Variants in SOX6 observed in about 807,000 individuals in gnomAD.
SOX6 encodes transcription factor SOX-6.
A neutral mutation model predicts 97.8 loss-of-function variants in SOX6; 11 were observed. That is an observed-to-expected ratio of 0.11 (90% CI 0.07 to 0.19). The LOEUF (loss-of-function observed/expected upper bound fraction) is 0.19. Ranked by LOEUF, SOX6 falls within the 10% of genes least tolerant of loss-of-function variation. The pLI is 1.00. For synonymous variants in SOX6, 360 were observed against 371.4 expected, an observed-to-expected ratio of 0.97 and a Z score of 0.35; for missense variants, 810 against 1,039.5, an observed-to-expected ratio of 0.78 and a Z score of 3.04.
intron 4 of SOX6, among the ~76,000 whole-genome samples, chr11:16,513,409 G>A (rs1451339648): frequency 3.3e-5 from 5 of 152,014 alleles, no homozygotes; most frequent in African/African-American, 4.8e-5. Flanking sequence ...AAGGCGGGCG[G>A]ATCACTTGAG....
chr11:16,409,829 T>A (rs1441835507), intron 1 of SOX6, among the ~76,000 whole-genome samples: 1 of 149,696 alleles, frequency 6.7e-6, no homozygotes, highest in African/African-American at 2.4e-5. Context: ...TTCCTCGGTT[T>A]AAAAAAAAAA....
intron 2 of SOX6, among the ~76,000 whole-genome samples, chr11:16,716,965 T>G (rs1044792645): frequency 6.6e-6 from 1 of 152,230 alleles, no homozygotes; most frequent in East Asian, 1.9e-4. Context: ...TTGACCCAGG[T>G]AGTGGTTATA....
chr11:16,532,432 T>C (rs1302886492), intron 4 of SOX6, among the ~76,000 whole-genome samples: 1 of 151,880 alleles, frequency 6.6e-6, no homozygotes, highest in African/African-American at 2.4e-5. Context: ...AAAAACTCAT[T>C]CAATTCTGTA....
intron 6 of SOX6, among the ~76,000 whole-genome samples, chr11:16,114,188 C>T (rs959295661): frequency 1.3e-5 from 2 of 152,102 alleles, no homozygotes; most frequent in African/African-American, 2.4e-5. Flanking sequence ...AACATTAATA[C>T]GATAGTGTGA....
chr11:15,982,128 A>G (rs770917550), intron 15 of SOX6, among the ~76,000 whole-genome samples: 1 of 151,966 alleles, frequency 6.6e-6, no homozygotes, highest in African/African-American at 2.4e-5. Context: ...TCTTAACCAC[A>G]ATGCTATACC....
At chr11:16,193,223 T>C (rs1394484039) in intron 4 of SOX6, among the ~76,000 whole-genome samples, 3 of 152,070 alleles carry the variant, frequency 2.0e-5, no homozygotes, top group Non-Finnish European at 4.4e-5. Context: ...TCTAATAAAA[T>C]GGGCTAGGCA....
intron 1 of SOX6, among the ~76,000 whole-genome samples, chr11:16,428,054 T>A (rs1363504493): frequency 6.6e-6 from 1 of 152,252 alleles, no homozygotes; most frequent in Non-Finnish European, 1.5e-5. Context: ...TCATTGTGGT[T>A]TTGATATGCA....
chr11:16,270,953 TA>T (rs1245931562), intron 3 of SOX6, among the ~76,000 whole-genome samples: 2 of 151,394 alleles, frequency 1.3e-5, no homozygotes, highest in Non-Finnish European at 3.0e-5. Context: ...GTGATAGTTA[TA>T]AAAACTATGA....
intron 6 of SOX6, among the ~76,000 whole-genome samples, chr11:16,124,247 C>T (rs943264068): frequency 2.0e-5 from 3 of 152,032 alleles, no homozygotes; most frequent in Admixed American, 6.6e-5. Context: ...ATTGGGAATA[C>T]AGTAGAAGAC....
intron 2 of SOX6, among the ~76,000 whole-genome samples, chr11:16,335,152 G>A (rs193164441): frequency 2.3e-4 from 35 of 152,248 alleles, no homozygotes; most frequent in Non-Finnish European, 3.8e-4. Context: ...AGATAGTACC[G>A]TATGCAAATA....
intron 7 of SOX6, among the ~76,000 whole-genome samples, chr11:16,109,125 A>T (rs1182527794): frequency 6.6e-6 from 1 of 152,144 alleles, no homozygotes; most frequent in Non-Finnish European, 1.5e-5. Context: ...TTATGCCACC[A>T]ATTCAAGGTT....
chr11:16,051,251 T>C (rs537832640), intron 10 of SOX6, among the ~76,000 whole-genome samples: 1 of 152,308 alleles, frequency 6.6e-6, no homozygotes. Flanking sequence ...CGTCAATGAC[T>C]ATGAGCCTGG....
At chr11:16,162,055 T>C (rs1015970487) in intron 6 of SOX6, among the ~76,000 whole-genome samples, 1 of 152,194 alleles carries the variant, frequency 6.6e-6, no homozygotes, top group Non-Finnish European at 1.5e-5. Flanking sequence ...ACAACTGTAA[T>C]AATTGTTCCT....
intron 7 of SOX6, among the ~76,000 whole-genome samples, chr11:16,108,459 T>C (rs1849152073): frequency 6.6e-6 from 1 of 152,192 alleles, no homozygotes; most frequent in Non-Finnish European, 1.5e-5. Flanking sequence ...TGAAAGATGC[T>C]TTATCTTTTA....
intron 6 of SOX6, among the ~76,000 whole-genome samples, chr11:16,181,914 AAAC>A (rs775535012): frequency 4.6e-5 from 7 of 151,966 alleles, no homozygotes; most frequent in Middle Eastern, 3.4e-3. Flanking sequence ...TTAAAAAATT[AAAC>A]AACAAGAAAT....
intron 3 of SOX6, chr11:16,316,856 CA>C (rs1855770469): frequency 6.6e-6 from 1 of 151,974 alleles, no homozygotes; most frequent in South Asian, 2.1e-4. Context: ...CCTCAGAAGC[CA>C]AAAGTGTCAG....
intron 3 of SOX6, among the ~76,000 whole-genome samples, chr11:16,288,183 C>T (rs1854807717): frequency 6.6e-6 from 1 of 151,966 alleles, no homozygotes; most frequent in African/African-American, 2.4e-5. Context: ...GAAATAACCC[C>T]GATTCAGAAG....
intron 4 of SOX6, among the ~76,000 whole-genome samples, chr11:16,213,416 CTAGT>C (rs1259364590): frequency 3.9e-5 from 6 of 152,118 alleles, no homozygotes; most frequent in Admixed American, 6.6e-5. Flanking sequence ...TCTCTGACAC[CTAGT>C]TAAACACTCA....
At chr11:16,219,218 T>C (rs1225058448) in intron 4 of SOX6, among the ~76,000 whole-genome samples, 1 of 152,124 alleles carries the variant, frequency 6.6e-6, no homozygotes, top group African/African-American at 2.4e-5. Context: ...TTGTCTGAAG[T>C]TAAATTAGCT....
Sources: gnomAD v4.1 joint callset for allele counts (sites outside exome capture counted in the v4.1 genomes callset) on GRCh38, gnomAD v4.1.1 for gene constraint, MANE v1.5 for transcripts, NCBI Gene and HGNC (gene_info 2026-07-23, HGNC 2026-07-21) for gene names.